Variants in PRSS56 observed in about 807,000 individuals in gnomAD.
PRSS56 encodes the protein serine protease 56.
PRSS56 carries 55 observed loss-of-function variants against 66.8 expected under a neutral mutation model. The observed-to-expected ratio is 0.82, with a 90% confidence interval of 0.66 to 1.03. The LOEUF is 1.03. Ranked by LOEUF, PRSS56 falls within the 50% of genes least tolerant of loss-of-function variation. PRSS56 has a pLI of 0.00. For synonymous variants in PRSS56, 409 were observed against 387.9 expected, an observed-to-expected ratio of 1.05 and a Z score of -0.64; for missense variants, 869 against 837.2, an observed-to-expected ratio of 1.04 and a Z score of -0.47.
chr2:232,525,169 T>G (rs1335192982), intron 12 of PRSS56, 47 bp from the exon 13 acceptor site: 2 of 1,432,254 alleles, frequency 1.4e-6, no homozygotes, highest in East Asian at 5.1e-5. Context: ...GGGTTTCAAC[T>G]CAGGAGTGAG....
Position 232,523,427 on chromosome 2 carries a change from A to AG in PRSS56, c.863dup (p.Leu290ProfsTer5). 1.4e-6 allele frequency: 2 copies of AG among 1,446,368 alleles called. No homozygotes were observed. The highest frequency in any genetic ancestry group is 1.8e-6 in the Non-Finnish European group (2 of 1,102,896). 89.6% of individuals were successfully genotyped at this position (1,446,368 alleles called of 1,614,324 possible). ...TCTTGGCCCCGCAGGGTGACTCGGG[A>AG]GGCCCCCTGACCTGTTCTGAGCCTG... On this transcript the variant is annotated frameshift_variant, in exon 8 of 13. Transcript: ENST00000617714. LOFTEE classifies it high-confidence loss of function.
In PRSS56 at chr2:232,520,640, A is replaced by G; in HGVS notation, c.42A>G (p.Ser14=). 1 of 1,535,930 alleles carries G rather than the reference A, an allele frequency of 6.5e-7. No individual in the cohort carries two copies. Among genetic ancestry groups the G allele is most frequent in the Non-Finnish European group, 8.7e-7 (1 of 1,146,786 alleles). ...TGCTGCTGCTACCCCTCCCAAGCTC[A>G]TGGTTTGCCCACGGGCACCCACTGT... ...AVLLLLPLPS[S]WFAHGHPLYT... Residue 14 remains serine, a synonymous_variant, in exon 1 of 13, where the codon TCA becomes TCG. Coordinates refer to ENST00000617714, the MANE Select transcript of PRSS56 (RefSeq NM_001195129.2).
In PRSS56 at chr2:232,522,824, C is replaced by G. The variant is rs777445846; in HGVS notation, c.669C>G (p.Thr223=). 4 of 1,482,900 alleles carry G rather than the reference C, an allele frequency of 2.7e-6. No individual in the cohort carries two copies. Among genetic ancestry groups the G allele is most frequent in the African/African-American group, 1.4e-5 (1 of 71,638 alleles). The allele number at this position is 1,482,900 out of a possible 1,614,324, so 91.9% of individuals were successfully genotyped here. ...AGCCCCAGGAGCCCCCTGCCGGAAC[C>G]GCCTGCGCCATCGCGGGCTGGGGCG... ...PQEPQEPPAG[T]ACAIAGWGAL... The change falls in exon 6 of 13, where the codon ACC becomes ACG. Residue 223 remains threonine, a synonymous_variant. Coordinates refer to ENST00000617714, the MANE Select transcript of PRSS56 (RefSeq NM_001195129.2).
At position 232,521,509 on chromosome 2, in the gene PRSS56, G is replaced by C. The variant is rs1445073919; in HGVS notation, c.205+81G>C. ...CTGCTGCCTCTGTCCCTTCCCTTCA[G>C]TCTTCACTCTCCTCTTGGGGGCAGA... is the stretch of plus-strand genomic sequence containing the variant. On this transcript the variant is annotated intron_variant, in intron 2 of 12. Coordinates refer to ENST00000617714, the MANE Select transcript of PRSS56 (RefSeq NM_001195129.2). 11 of 1,167,874 alleles carry C rather than the reference G, an allele frequency of 9.4e-6. No individual in the cohort carries two copies. The East Asian group carries it at 2.8e-4, about 30-fold the overall frequency. 72.3% of individuals were successfully genotyped at this position (1,167,874 alleles called of 1,614,324 possible).
rs1167103390 is a variant in PRSS56, at chr2:232,523,544, A to C, written c.978A>C (p.Ala326=). 2 of 1,532,042 alleles carry C rather than the reference A, an allele frequency of 1.3e-6. No individual in the cohort carries two copies. Among genetic ancestry groups the C allele is most frequent in the Non-Finnish European group, 1.7e-6 (2 of 1,145,530 alleles). The allele number at this position is 1,532,042 out of a possible 1,614,324, so 94.9% of individuals were successfully genotyped here. A position where few individuals can be genotyped will look rare whatever the true frequency, so the allele number is the denominator to read the frequency against. ...PGKPGVYTRV[A]VFKDWLQEQM... is the part of the protein sequence containing the mutation. ...AGCCCGGGGTCTACACCCGCGTGGC[A>C]GTGTTCAAGGACTGGCTCCAGGAGC... Residue 326 remains alanine (A), a synonymous_variant, in exon 8 of 13, where the codon GCA becomes GCC. Transcript: ENST00000617714.
chr2:232,522,161 G>A lies in PRSS56; in HGVS notation c.446+1G>A. The A allele has an allele frequency of 1.3e-6, 2 of 1,495,886 alleles. No homozygotes were observed. Among genetic ancestry groups the A allele is most frequent in the East Asian group, 2.7e-5 (1 of 36,688 alleles). The allele number at this position is 1,495,886 out of a possible 1,614,324, so 92.7% of individuals were successfully genotyped here. A position where few individuals can be genotyped will look rare whatever the true frequency, so the allele number is the denominator to read the frequency against. ...TCACGGCAGCGCACTGCTTTGTAGG[G>A]TAAGTAGGACCCCCAGGCCTTGCCC... On this transcript the variant is annotated splice_donor_variant, in intron 4 of 12. Coordinates refer to ENST00000617714, the MANE Select transcript of PRSS56 (RefSeq NM_001195129.2). LOFTEE classifies it high-confidence loss of function.
intron 11 of PRSS56, 81 bp downstream of exon 11, chr2:232,524,450 C>G (rs947151837): frequency 3.1e-5 from 43 of 1,375,498 alleles, no homozygotes; most frequent in Non-Finnish European, 4.0e-5. Flanking sequence ...ACTGCAGCTC[C>G]GGAAAGGGCT....
Position 232,520,557 on chromosome 2 carries a change from A to G in PRSS56, c.-42A>G. The G allele has an allele frequency of 2.7e-6, 4 of 1,473,184 alleles. No homozygotes were observed. The highest frequency in any genetic ancestry group is 2.8e-6 in the Non-Finnish European group (3 of 1,089,526). 91.3% of individuals were successfully genotyped at this position (1,473,184 alleles called of 1,614,324 possible). On this transcript the variant is annotated 5_prime_UTR_variant, in exon 1 of 13. Transcript: ENST00000617714. ...GGCACCCGGAAGGTGGACTCCGAGG[A>G]GGAGAGAGGACAGGGGTCTCTCACC...
At chr2:232,524,876 A>G (rs1186108180) in intron 12 of PRSS56, 32 bp downstream of exon 12, 5 of 1,469,602 alleles carry the variant, frequency 3.4e-6, no homozygotes, top group Non-Finnish European at 4.6e-6. Context: ...CTCCTTCACG[A>G]TGGCCTGGGA....
chr2:232,524,809 G>A lies in PRSS56; in HGVS notation c.1486G>A (p.Val496Ile), dbSNP rs993348129. 2.0e-6 allele frequency: 3 copies of A among 1,535,686 alleles called. No individual in the cohort carries two copies. The highest frequency in any genetic ancestry group is 1.4e-5 in the African/African-American group (1 of 73,144). ...LQGAHAWILQ[V>I]PSEHLAMNFH... ...GGGGGCCCATGCCTGGATCCTGCAGGTCCCCTCGGAGCACCTGGCCATGAA... is the reference window on the plus strand; with the variant it reads ...GGGGGCCCATGCCTGGATCCTGCAGATCCCCTCGGAGCACCTGGCCATGAA... Residue 496 changes from valine to isoleucine, a missense_variant, in exon 12 of 13, where the codon GTC (valine) becomes ATC (isoleucine). Around this residue, in one of 3 missense-constraint regions of PRSS56, gnomAD observed 551 missense variants for 506.9 expected, o/e 1.09. Transcript: ENST00000617714.
At position 232,522,614 on chromosome 2, in the gene PRSS56, G is replaced by C. The variant is rs1333638952; in HGVS notation, c.546G>C (p.Lys182Asn). The change falls in exon 5 of 13, where the codon AAG becomes AAC. Residue 182 changes from lysine (K) to asparagine (N), a missense_variant and splice_region_variant. Lys to Asn is a moderately conservative substitution (Grantham distance 94). Around this residue, in one of 3 missense-constraint regions of PRSS56, gnomAD observed 315 missense variants for 313.7 expected, o/e 1.00. Transcript: ENST00000617714. ...VPVNRILPHP[K>N]FDPRTFHNDL... ...TGAACCGCATCCTGCCCCACCCCAA[G>C]GTGAGAAGGCAGTCCCCAGGCCCCC... The C allele has an allele frequency of 2.6e-6, 4 of 1,535,118 alleles. No individual in the cohort carries two copies. The highest frequency in any genetic ancestry group is 3.5e-6 in the Non-Finnish European group (4 of 1,146,362).
intron 8 of PRSS56, 25 bp from the exon 9 acceptor site, chr2:232,523,747 C>T (rs1471653719): frequency 6.5e-7 from 1 of 1,533,938 alleles, no homozygotes; most frequent in African/African-American, 1.4e-5. Context: ...AGAGGGTGAG[C>T]TGACCCCTGT....
At chr2:232,523,638 G>A in intron 8 of PRSS56, 60 bp downstream of exon 8, 1 of 1,503,362 alleles carries the variant, frequency 6.7e-7, no homozygotes, top group East Asian at 2.5e-5. Flanking sequence ...CGTGGGACAA[G>A]CCCGTTTCCA....
chr2:232,524,283 T>G (rs1000384330), intron 10 of PRSS56, 24 bp from the exon 11 acceptor site: 3 of 1,535,440 alleles, frequency 2.0e-6, no homozygotes, highest in Non-Finnish European at 2.6e-6. Flanking sequence ...GCCGAGGCGG[T>G]ACCCTAACCC....
chr2:232,524,680 AC>A (rs1253535482), intron 11 of PRSS56, 57 bp from the exon 12 acceptor site: 10 of 1,256,342 alleles, frequency 8.0e-6, no homozygotes, highest in South Asian at 1.4e-5. Context: ...TGGGAGTGCC[AC>A]CCCCAGTTCC....
Position 232,524,401 on chromosome 2 carries a change from G to C in PRSS56, c.1414+32G>C, listed in dbSNP as rs746099297. On this transcript the variant is annotated intron_variant, in intron 11 of 12. Coordinates refer to ENST00000617714, the MANE Select transcript of PRSS56 (RefSeq NM_001195129.2). ...ACGCCCCCTGCCGACCTTCAGGAGG[G>C]GATAGGCTGAGGGCCTGGACGAGGT... 1.9e-5 allele frequency: 29 copies of C among 1,530,078 alleles called. 1 individual carries two copies. In the South Asian group the frequency reaches 3.5e-4, roughly 18 times the overall value. 94.8% of individuals were successfully genotyped at this position (1,530,078 alleles called of 1,614,324 possible).
intron 4 of PRSS56, 71 bp from the exon 5 acceptor site, chr2:232,522,444 G>A: frequency 7.6e-7 from 1 of 1,318,802 alleles, no homozygotes; most frequent in Non-Finnish European, 1.0e-6. Flanking sequence ...GGGCGGAGGG[G>A]CAGGGTCTCC....
chr2:232,521,161 G>A (rs765008885), intron 1 of PRSS56, among the ~76,000 whole-genome samples, 160 bp from the exon 2 acceptor site: 1 of 152,242 alleles, frequency 6.6e-6, no homozygotes, highest in Non-Finnish European at 1.5e-5. Context: ...TGGGAGCACG[G>A]GCTCTGAGTG....
rs1691418709 is a variant in PRSS56, at chr2:232,525,681, G to A, written c.*175G>A. ...CCAGGTTTACAATCAGAGAATCACA[G>A]CTGCTTTAATAAATGTTATTTATAA... On this transcript the variant is annotated 3_prime_UTR_variant, in exon 13 of 13. Transcript: ENST00000617714. 1.8e-6 allele frequency: 1 copy of A among 547,166 alleles called. No homozygotes were observed. The highest frequency in any genetic ancestry group is 3.0e-5 in the South Asian group (1 of 33,182). The allele number at this position is 547,166 out of a possible 1,614,324, so 33.9% of individuals were successfully genotyped here.
Sources: allele counts gnomAD v4.1 joint callset (sites outside exome capture counted in the v4.1 genomes callset), GRCh38; gene constraint gnomAD v4.1.1; regional missense constraint gnomAD v4.1.1; transcripts MANE v1.5; gene names NCBI Gene and HGNC (gene_info 2026-07-23, HGNC 2026-07-21).